The following UBA1 variants were observed in gnomAD, a reference collection of about 807,000 sequenced individuals.
The protein encoded by UBA1 is ubiquitin-like modifier-activating enzyme 1.
In UBA1, 4 loss-of-function variants were observed where a neutral mutation model predicts 84.7. The observed-to-expected ratio is 0.05, with a 90% CI of 0.02 to 0.11. The LOEUF is 0.11. UBA1 is among the 10% of genes least tolerant of loss of function. The pLI is 1.00. For synonymous variants in UBA1, 364 were observed against 362.6 expected, an observed-to-expected ratio of 1.00 and a Z score of -0.04; for missense variants, 513 against 902.8, an observed-to-expected ratio of 0.57 and a Z score of 5.53.
intron 1 of UBA1, chrX:47,197,825 G>A (rs1556785986): frequency 4.0e-6 from 2 of 498,657 alleles, no homozygotes; most frequent in African/African-American, 2.6e-5. Flanking sequence ...CTTGGTCACC[G>A]AACGTCCCTG....
intron 14 of UBA1, among the ~76,000 whole-genome samples, chrX:47,204,139 G>GTTTTTTT (rs55829376): frequency 4.1e-4 from 7 of 16,879 alleles, no homozygotes; most frequent in African/African-American, 7.8e-4. Flanking sequence ...CTCAGCTTCT[G>GTTTTTTT]TTTTTTTTTT....
chrX:47,198,414 AT>A, intron 1 of UBA1: 3 of 628,306 alleles, frequency 4.8e-6, no homozygotes, highest in Non-Finnish European at 6.8e-6. Flanking sequence ...GTGGCGGTTA[AT>A]TATTACTGTT....
intron 21 of UBA1, 21 bp from the exon 22 acceptor site, chrX:47,212,750 C>T (rs184637162): frequency 8.4e-5 from 100 of 1,190,744 alleles, no homozygotes; most frequent in Non-Finnish European, 1.1e-4. Flanking sequence ...ACTGCCTTCA[C>T]ACCCTCCCCA....
At chrX:47,214,123 A>G (rs1937043557) in intron 23 of UBA1, among the ~76,000 whole-genome samples, 1 of 110,671 alleles carries the variant, frequency 9.0e-6, no homozygotes, top group African/African-American at 3.3e-5. Flanking sequence ...CCCCAGAGTG[A>G]GTGTGAGATT....
chrX:47,214,640 G>A lies in UBA1; in HGVS notation c.3041+3G>A, dbSNP rs781802295. 4 of 1,205,223 alleles carry A rather than the reference G, an allele frequency of 3.3e-6. No individual in the cohort carries two copies. The highest frequency in any genetic ancestry group is 1.1e-6 in the Non-Finnish European group (1 of 892,299). ...CTCAAGGAACGGTTGGATCAGCCGT[G>A]AGTTGGACACTGGCCAGGCTAGGGG... On this transcript the variant is annotated splice_donor_region_variant and intron_variant, in intron 25 of 25. Transcript: ENST00000335972.
upstream of UBA1, among the ~76,000 whole-genome samples, chrX:47,192,493 C>G (rs1936082642): frequency 9.0e-6 from 1 of 110,732 alleles, no homozygotes; most frequent in South Asian, 3.7e-4. Flanking sequence ...ATTTACATAT[C>G]TTAACATATT....
chrX:47,203,744 T>TTTA, intron 14 of UBA1, 48 bp downstream of exon 14: 3 of 1,050,044 alleles, frequency 2.9e-6, no homozygotes, highest in Non-Finnish European at 3.7e-6. Context: ...TTTCCTCCTT[T>TTTA]TTCTTTTTTT....
At chrX:47,198,273 A>G (rs2147247998) in intron 1 of UBA1, 1 of 980,702 alleles carries the variant, frequency 1.0e-6, no homozygotes, top group Admixed American at 3.0e-5. Flanking sequence ...GGAGAGGAGA[A>G]TGGCTGCTTG....
chrX:47,205,081 A>G (rs1260354142), intron 14 of UBA1: 6 of 137,135 alleles, frequency 4.4e-5, no homozygotes, highest in South Asian at 2.0e-4. Context: ...ATTGATGACA[A>G]TGGTTAAGGA....
chrX:47,197,270 G>T, intron 1 of UBA1: 2 of 754,981 alleles, frequency 2.6e-6, no homozygotes, highest in Non-Finnish European at 3.1e-6. Context: ...AGTGAATGGG[G>T]TTCTCTAAGC....
chrX:47,200,732 C>T (rs142057925), intron 5 of UBA1, among the ~76,000 whole-genome samples, 162 bp from the exon 6 acceptor site: 14 of 112,237 alleles, frequency 1.2e-4, no homozygotes, highest in Non-Finnish European at 2.3e-4. Context: ...TTTTCGACCC[C>T]CACAGAGTCT....
At chrX:47,203,071 A>G in intron 12 of UBA1, 24 bp downstream of exon 12, 1 of 1,204,775 alleles carries the variant, frequency 8.3e-7, no homozygotes, top group African/African-American at 1.7e-5. Context: ...ACCTGTGGGG[A>G]GGGCATCATT....
Position 47,198,875 on chromosome X carries a change from C to T in UBA1, c.73C>T (p.Pro25Ser), listed in dbSNP as rs782355144. 2 of 1,212,122 alleles carry T rather than the reference C, an allele frequency of 1.7e-6. No homozygotes were observed. Among genetic ancestry groups the T allele is most frequent in the South Asian group, 3.5e-5 (2 of 57,028 alleles). ...TCCAAAGCCGGGTTCTAACTGCTCC[C>T]CTGCCCAGTCCGTGTTGTCCGAAGT... The part of the protein sequence containing the change: ...PDPKPGSNCS[P>S]AQSVLSEVPS... Residue 25 changes from proline to serine, a missense_variant, in exon 2 of 26, where the codon CCT becomes TCT. Physicochemically the swap from Pro to Ser is moderately conservative, Grantham distance 74 (BLOSUM62 -1). Coordinates refer to ENST00000335972, the MANE Select transcript of UBA1 (RefSeq NM_003334.4).
In UBA1 at chrX:47,199,227, G is replaced by T; in HGVS notation, c.195G>T (p.Glu65Asp). 8.2e-7 allele frequency: 1 copy of T among 1,212,337 alleles called. No homozygotes were observed. The highest frequency in any genetic ancestry group is 1.1e-6 in the Non-Finnish European group (1 of 895,621). The change falls in exon 4 of 26, where the codon GAG (glutamate) becomes GAT (aspartate). Residue 65 changes from glutamate (E) to aspartate (D), a missense_variant. Around this residue, in one of 6 missense-constraint regions of UBA1, gnomAD observed 227 missense variants for 339.1 expected, o/e 0.67. Coordinates refer to ENST00000335972, the MANE Select transcript of UBA1 (RefSeq NM_003334.4). Reference protein sequence around the residue: ...YSRQLYVLGHEAMKRLQTSSV... With the variant: ...YSRQLYVLGHDAMKRLQTSSV... ...CTGGCAGGTATGTGTTGGGCCATGA[G>T]GCAATGAAGCGGCTCCAGACATCCA...
chrX:47,192,047 C>T (rs924955178), upstream of UBA1, among the ~76,000 whole-genome samples: 1 of 112,132 alleles, frequency 8.9e-6, no homozygotes, highest in South Asian at 3.7e-4. Flanking sequence ...TTAGCTTACA[C>T]TCGTTTAGCT....
At chrX:47,197,555 G>T in intron 1 of UBA1, 1 of 753,326 alleles carries the variant, frequency 1.3e-6, no homozygotes, top group South Asian at 6.7e-5. Context: ...GGGAAGTGAC[G>T]CTGGGTCCTC....
upstream of UBA1, among the ~76,000 whole-genome samples, chrX:47,193,124 G>T: frequency 9.0e-6 from 1 of 111,464 alleles, no homozygotes; most frequent in South Asian, 3.7e-4. Context: ...ACTTTGCCTT[G>T]GCTATAGCAT....
chrX:47,191,583 G>A (rs1465309575), upstream of UBA1: 1 of 111,767 alleles, frequency 8.9e-6, no homozygotes, highest in Admixed American at 9.5e-5. Context: ...GCTGTGGTAG[G>A]CGGCAGTTTT....
chrX:47,191,965 C>G (rs960290676), upstream of UBA1, among the ~76,000 whole-genome samples: 3 of 112,113 alleles, frequency 2.7e-5, no homozygotes, highest in Admixed American at 9.5e-5. Flanking sequence ...TCCCATCGAT[C>G]CTTTCCAGTT....
Sources: allele counts gnomAD v4.1 joint callset (sites outside exome capture counted in the v4.1 genomes callset), GRCh38; gene constraint gnomAD v4.1.1; regional missense constraint gnomAD v4.1.1; transcripts MANE v1.5; gene names NCBI Gene and HGNC (gene_info 2026-07-23, HGNC 2026-07-21).